Variants in VRK3 observed in about 807,000 individuals in gnomAD.
The protein encoded by VRK3 is serine/threonine-protein kinase VRK3.
VRK3 carries 50 observed loss-of-function variants against 60.4 expected under a neutral mutation model. The observed-to-expected ratio is 0.83, with a 90% confidence interval of 0.66 to 1.05. The LOEUF (loss-of-function observed/expected upper bound fraction) is 1.05, where lower values mean the gene tolerates loss of function less well. VRK3 is among the 50% of genes least tolerant of loss of function. The pLI is 0.00. For missense variants in VRK3, 549 were observed against 585.3 expected, an observed-to-expected ratio of 0.94 and a Z score of 0.64; for synonymous variants, 246 against 227.8, an observed-to-expected ratio of 1.08 and a Z score of -0.72.
At chr19:50,019,893 T>C (rs534016601) in intron 2 of VRK3, among the ~76,000 whole-genome samples, 26 of 151,470 alleles carry the variant, frequency 1.7e-4, no homozygotes, top group African/African-American at 5.1e-4. Flanking sequence ...GTTTTATTTA[T>C]TTTGAGACAG....
chr19:50,010,106 TATAC>T (rs1274407143), intron 3 of VRK3, among the ~76,000 whole-genome samples: 1 of 152,100 alleles, frequency 6.6e-6, no homozygotes, highest in East Asian at 1.9e-4. Context: ...TGTGTATATA[TATAC>T]ACACATACAC....
Position 49,989,711 on chromosome 19 carries a change from A to AGGCCACGTGTT in VRK3, c.1013_1023dup (p.Tyr342AsnfsTer44). On this transcript the variant is annotated frameshift_variant, in exon 11 of 15. Transcript: ENST00000316763. LOFTEE classifies it high-confidence loss of function. ...TGAGGGCTCCTGCTGCCTTCCACGTAGGCCACGTGTTTGCCACTTGGGCAA... is the reference window on the plus strand; with the variant it reads ...TGAGGGCTCCTGCTGCCTTCCACGTAGGCCACGTGTTGGCCACGTGTTTGCCACTTGGGCAA... 1 of 1,613,914 alleles carries AGGCCACGTGTT rather than the reference A, an allele frequency of 6.2e-7. No individual in the cohort carries two copies. Among genetic ancestry groups the AGGCCACGTGTT allele is most frequent in the South Asian group, 1.1e-5 (1 of 91,002 alleles).
intron 6 of VRK3, 154 bp from the exon 7 acceptor site, chr19:49,997,724 C>G (rs375912433): frequency 1.4e-4 from 99 of 706,714 alleles, no homozygotes; most frequent in East Asian, 1.1e-3. Context: ...CACACAAACA[C>G]ACATCAGAGA....
chr19:49,981,130 C>A (rs2076415331), intron 12 of VRK3, 117 bp from the exon 13 acceptor site: 1 of 948,926 alleles, frequency 1.1e-6, no homozygotes, highest in Admixed American at 2.1e-5. Context: ...CCTCTGCCAT[C>A]CAGGGAAGTT....
intron 1 of VRK3, 148 bp downstream of exon 1, chr19:50,025,119 C>T (rs1463683014): frequency 6.6e-6 from 1 of 152,326 alleles, no homozygotes; most frequent in Non-Finnish European, 1.5e-5. Context: ...GCCAGTGAAC[C>T]CCGCGACCCG....
At position 50,016,041 on chromosome 19, in the gene VRK3, T is replaced by C. The variant is rs2122592351; in HGVS notation, c.122A>G (p.His41Arg). ...HVGSQTFVNP[H>R]VSSFQGSKRG... ...GTTCTTACCTTGGAAGGATGACACATGTGGATTGACAAAGGTCTGGGACCC... is the reference window on the plus strand; with the variant it reads ...GTTCTTACCTTGGAAGGATGACACACGTGGATTGACAAAGGTCTGGGACCC... The change falls in exon 3 of 15, where the codon CAT becomes CGT. Residue 41 changes from histidine (H) to arginine (R), a missense_variant. His to Arg is a conservative substitution (Grantham distance 29). Coordinates refer to ENST00000316763, the MANE Select transcript of VRK3 (RefSeq NM_016440.4). The C allele has an allele frequency of 6.2e-7, 1 of 1,614,046 alleles. No homozygotes were observed. The highest frequency in any genetic ancestry group is 8.5e-7 in the Non-Finnish European group (1 of 1,179,994).
chr19:49,989,906 A>G (rs1240479274), intron 10 of VRK3, 135 bp from the exon 11 acceptor site: 4 of 1,063,178 alleles, frequency 3.8e-6, no homozygotes, highest in Non-Finnish European at 5.1e-6. Context: ...AGGCATGCTC[A>G]TAGTAAAAAT....
intron 6 of VRK3, chr19:49,999,774 T>C (rs958977496): frequency 1.3e-5 from 2 of 152,276 alleles, no homozygotes; most frequent in South Asian, 4.1e-4. Context: ...TGAGGTCAGA[T>C]GCACGAACAG....
intron 4 of VRK3, 41 bp from the exon 5 acceptor site, chr19:50,007,867 G>C (rs773733583): frequency 5.2e-5 from 84 of 1,608,078 alleles, no homozygotes; most frequent in Non-Finnish European, 6.4e-5. Flanking sequence ...CACCATCCAG[G>C]AGAGAAAAGT....
At chr19:49,982,285 A>C in intron 12 of VRK3, 1 of 695,498 alleles carries the variant, frequency 1.4e-6, no homozygotes, top group Admixed American at 2.0e-5. Context: ...TAACCATCTC[A>C]GGCTTTGGGA....
intron 7 of VRK3, 121 bp downstream of exon 7, chr19:49,997,383 A>G: frequency 9.1e-7 from 1 of 1,104,772 alleles, no homozygotes. Flanking sequence ...CACAGATGGG[A>G]GCAAACCTGG....
intron 1 of VRK3, among the ~76,000 whole-genome samples, chr19:50,023,567 C>G (rs973943412): frequency 1.1e-4 from 16 of 152,262 alleles, no homozygotes; most frequent in African/African-American, 3.9e-4. Flanking sequence ...CTGACATACT[C>G]TGACTTACTA....
At chr19:50,017,204 A>G (rs2077092751) in intron 2 of VRK3, among the ~76,000 whole-genome samples, 1 of 152,070 alleles carries the variant, frequency 6.6e-6, no homozygotes, top group Non-Finnish European at 1.5e-5. Context: ...TCAAACAAAC[A>G]AAACAAACAG....
At position 49,989,767 on chromosome 19, in the gene VRK3, G is replaced by C; in HGVS notation, c.968C>G (p.Thr323Ser). The C allele has an allele frequency of 6.2e-7, 1 of 1,611,518 alleles. No individual in the cohort carries two copies. The highest frequency in any genetic ancestry group is 8.5e-7 in the Non-Finnish European group (1 of 1,178,168). Residue 323 changes from threonine (T) to serine (S), a missense_variant, in exon 11 of 15, where the codon ACT becomes AGT. Coordinates refer to ENST00000316763, the MANE Select transcript of VRK3 (RefSeq NM_016440.4). ...FVDPEDQSQV[T>S]LAGYGFAFRY... ...GAAGGCGAAGCCATAGCCTGCCAAA[G>C]TCACCTGTGGACACAGGGAAAAGCC... is the stretch of plus-strand genomic sequence containing the variant.
At chr19:50,012,997 C>T (rs926668838) in intron 3 of VRK3, among the ~76,000 whole-genome samples, 6 of 151,988 alleles carry the variant, frequency 3.9e-5, no homozygotes, top group African/African-American at 1.5e-4. Context: ...GAAACCCCGC[C>T]TCTACTAAAA....
chr19:50,019,343 C>T (rs1481056687), intron 2 of VRK3: 1 of 151,586 alleles, frequency 6.6e-6, no homozygotes, highest in Non-Finnish European at 1.5e-5. Context: ...GCTAGGATTA[C>T]AGGCGTGGGC....
At chr19:49,977,747 C>T (rs574738392) in intron 14 of VRK3, among the ~76,000 whole-genome samples, 9 of 152,038 alleles carry the variant, frequency 5.9e-5, no homozygotes, top group African/African-American at 9.7e-5. Flanking sequence ...ACTGGGTACA[C>T]GGAGGAGCTG....
chr19:49,994,642 T>C (rs1420634944), intron 9 of VRK3, among the ~76,000 whole-genome samples, 172 bp downstream of exon 9: 1 of 152,228 alleles, frequency 6.6e-6, no homozygotes. Context: ...TCCACAGGAC[T>C]GACCACCCAT....
chr19:50,016,860 T>C (rs2122607242), intron 2 of VRK3, among the ~76,000 whole-genome samples: 2 of 140,642 alleles, frequency 1.4e-5, no homozygotes, highest in East Asian at 3.9e-4. Context: ...TGTATTGCCC[T>C]TCATTATGGC....
Sources: gnomAD v4.1 joint callset for allele counts (sites outside exome capture counted in the v4.1 genomes callset) on GRCh38, gnomAD v4.1.1 for gene constraint, MANE v1.5 for transcripts, NCBI Gene and HGNC (gene_info 2026-07-23, HGNC 2026-07-21) for gene names.